TNC: variants seen among roughly 807,000 people sequenced by gnomAD.
TNC encodes tenascin.
A neutral mutation model predicts 202.4 loss-of-function variants in TNC; 109 were observed. That is an observed-to-expected ratio of 0.54 (90% CI 0.46 to 0.63). The LOEUF is 0.63. TNC is among the 30% of genes least tolerant of loss of function. TNC has a pLI of 0.00. For missense variants in TNC, 2,756 were observed against 2,833.3 expected, an observed-to-expected ratio of 0.97 and a Z score of 0.62; for synonymous variants, 1,007 against 1,089.7, an observed-to-expected ratio of 0.92 and a Z score of 1.50.
At chr9:115,071,468 A>G (rs1833463703) in intron 10 of TNC, among the ~76,000 whole-genome samples, 1 of 152,214 alleles carries the variant, frequency 6.6e-6, no homozygotes, top group Non-Finnish European at 1.5e-5. Flanking sequence ...TCTAGCTAGT[A>G]AATCTCCTGG....
At chr9:115,056,861 G>A (rs190708567) in intron 15 of TNC, among the ~76,000 whole-genome samples, 10 of 152,338 alleles carry the variant, frequency 6.6e-5, no homozygotes, top group African/African-American at 2.4e-4. Flanking sequence ...TAGCTTTTTA[G>A]TTATGAGAGG....
rs751572054 is a variant in TNC, at chr9:115,086,279, C to T, written c.1452G>A (p.Met484Ile). 16 of 1,614,242 alleles carry T rather than the reference C, an allele frequency of 9.9e-6. 1 individual carries two copies. The South Asian group carries it at 1.1e-4, about 11-fold the overall frequency. Residue 484 changes from methionine to isoleucine, a missense_variant, in exon 3 of 28, where the codon ATG becomes ATA. Around this residue, in one of 2 missense-constraint regions of TNC, gnomAD observed 2,559 missense variants for 2,546.0 expected, o/e 1.01. Transcript: ENST00000350763. ...CTGTGTAGCCGTCATCACAAACACA[C>T]ATGCCATTCACACAGCGGCCGTGCT... ...CHQHGRCVNG[M>I]CVCDDGYTGE...
chr9:115,093,408 A>G (rs550296396), intron 1 of TNC, among the ~76,000 whole-genome samples: 80 of 152,178 alleles, frequency 5.3e-4, no homozygotes, highest in Non-Finnish European at 9.1e-4. Context: ...TTAACTAACA[A>G]TGTGTGGGTC....
At chr9:115,037,308 T>C (rs918646094) in intron 20 of TNC, among the ~76,000 whole-genome samples, 5 of 152,136 alleles carry the variant, frequency 3.3e-5, no homozygotes, top group Admixed American at 3.3e-4. Context: ...TACCTGGAAA[T>C]TGAAATTACA....
chr9:115,059,388 T>G (rs555583186), intron 14 of TNC, among the ~76,000 whole-genome samples: 1 of 152,204 alleles, frequency 6.6e-6, no homozygotes, highest in Non-Finnish European at 1.5e-5. Flanking sequence ...GAGGGAAGCT[T>G]TTAGTTATCT....
At chr9:115,076,147 A>T in intron 8 of TNC, 26 bp from the exon 9 acceptor site, 2 of 1,603,678 alleles carry the variant, frequency 1.2e-6, no homozygotes, top group Non-Finnish European at 1.7e-6. Context: ...GCAAGTTGAG[A>T]TTCATCCTGA....
intron 1 of TNC, among the ~76,000 whole-genome samples, chr9:115,114,690 G>T (rs981247050): frequency 6.6e-6 from 1 of 152,232 alleles, no homozygotes; most frequent in Non-Finnish European, 1.5e-5. Flanking sequence ...AACTTGGTCA[G>T]CACAGCCTGA....
chr9:115,092,770 G>A (rs1835329996), intron 1 of TNC, among the ~76,000 whole-genome samples: 1 of 148,640 alleles, frequency 6.7e-6, no homozygotes, highest in African/African-American at 2.5e-5. Context: ...TTTTTTAGTA[G>A]AGTTGGAGTT....
intron 1 of TNC, among the ~76,000 whole-genome samples, chr9:115,093,800 A>C (rs920223919): frequency 6.6e-6 from 1 of 152,176 alleles, no homozygotes; most frequent in Non-Finnish European, 1.5e-5. Flanking sequence ...GTGTGAGTAG[A>C]GTGAGGATTT....
rs760724316 is a variant in TNC at position 115,024,008 on chromosome 9, G to A, written c.6460C>T (p.Leu2154=). 6.2e-7 allele frequency: 1 copy of A among 1,614,096 alleles called. No homozygotes were observed. Among genetic ancestry groups the A allele is most frequent in the South Asian group, 1.1e-5 (1 of 91,066 alleles). Residue 2154 remains leucine (L), a synonymous_variant, in exon 27 of 28, where the codon CTG becomes TTG. Coordinates refer to ENST00000350763, the MANE Select transcript of TNC (RefSeq NM_002160.4). The stretch of plus-strand genomic sequence containing the variant: ...TTATTGTCCCCATATCTCCCCATCA[G>A]GTTGACACGGTGACAGTTCCTGTAC... ...FWYRNCHRVN[L]MGRYGDNNHS...
intron 2 of TNC, among the ~76,000 whole-genome samples, chr9:115,089,517 T>C (rs1835053053): frequency 6.6e-6 from 1 of 152,036 alleles, no homozygotes; most frequent in Admixed American, 6.5e-5. Flanking sequence ...TCTTTTTTTT[T>C]CGGATGGTGT....
In TNC at chr9:115,076,660, C is replaced by T. The variant is rs140119647; in HGVS notation, c.2675-85G>A. The stretch of plus-strand genomic sequence containing the variant: ...TGACAGCTCAAGCTGACATATGAAA[C>T]GTGCCTGGAACTGGAGAGAAATTAC... On this transcript the variant is annotated intron_variant, in intron 7 of 27. Coordinates refer to ENST00000350763, the MANE Select transcript of TNC (RefSeq NM_002160.4). 7.0e-5 allele frequency: 102 copies of T among 1,461,018 alleles called. No individual in the cohort carries two copies. In the East Asian group the frequency reaches 1.3e-3, roughly 19 times the overall value. 90.5% of individuals were successfully genotyped at this position (1,461,018 alleles called of 1,614,324 possible).
At chr9:115,109,828 T>C (rs1316345709) in intron 1 of TNC, among the ~76,000 whole-genome samples, 1 of 152,190 alleles carries the variant, frequency 6.6e-6, no homozygotes, top group Non-Finnish European at 1.5e-5. Context: ...TGCAAGCCAG[T>C]GGGTGAAGCG....
At chr9:115,058,360 T>C (rs2132474505) in intron 14 of TNC, among the ~76,000 whole-genome samples, 1 of 152,354 alleles carries the variant, frequency 6.6e-6, no homozygotes, top group African/African-American at 2.4e-5. Flanking sequence ...TGGAACTTCC[T>C]GCCCATAGGC....
chr9:115,051,000 G>A (rs1015911860), intron 15 of TNC, among the ~76,000 whole-genome samples: 6 of 152,094 alleles, frequency 3.9e-5, no homozygotes, highest in Non-Finnish European at 8.8e-5. Context: ...CTTAGTGATG[G>A]CAATTTAGAC....
intron 15 of TNC, chr9:115,052,818 T>C: frequency 1.4e-6 from 1 of 702,710 alleles, no homozygotes; most frequent in African/African-American, 1.7e-5. Flanking sequence ...TCATAGCCAG[T>C]GTTCTCCACC....
intron 27 of TNC, 29 bp from the exon 28 acceptor site, chr9:115,021,296 A>AAT (rs1829051132): frequency 3.2e-6 from 5 of 1,564,716 alleles, no homozygotes; most frequent in Non-Finnish European, 4.4e-6. Context: ...AGAGAGAGAG[A>AAT]GAGAGAGAGA....
At chr9:115,053,251 T>A (rs1831845724) in intron 15 of TNC, among the ~76,000 whole-genome samples, 1 of 152,230 alleles carries the variant, frequency 6.6e-6, no homozygotes, top group South Asian at 2.1e-4. Flanking sequence ...TAGATCTGTG[T>A]TCTTTTAAAG....
At chr9:115,034,384 T>C (rs1341953277) in intron 22 of TNC, among the ~76,000 whole-genome samples, 1 of 152,120 alleles carries the variant, frequency 6.6e-6, no homozygotes, top group Non-Finnish European at 1.5e-5. Context: ...CTAGTTCAAA[T>C]ACAAAAAGAC....
Sources: allele counts gnomAD v4.1 joint callset (sites outside exome capture counted in the v4.1 genomes callset), GRCh38; gene constraint gnomAD v4.1.1; regional missense constraint gnomAD v4.1.1; transcripts MANE v1.5; gene names NCBI Gene and HGNC (gene_info 2026-07-23, HGNC 2026-07-21).